AXDND1: variants seen among roughly 807,000 people sequenced by gnomAD.
The protein encoded by AXDND1 is axonemal dynein light chain domain-containing protein 1.
AXDND1 carries 110 observed loss-of-function variants against 137.5 expected under a neutral mutation model. The observed-to-expected ratio is 0.80, with a 90% CI of 0.69 to 0.94. The LOEUF (loss-of-function observed/expected upper bound fraction) is 0.94. AXDND1 is among the 40% of genes least tolerant of loss of function. The pLI, the probability that AXDND1 is intolerant of heterozygous loss-of-function variation, is 0.00. For missense variants in AXDND1, 1,191 were observed against 1,169.8 expected, an observed-to-expected ratio of 1.02 and a Z score of -0.26; for synonymous variants, 414 against 399.7, an observed-to-expected ratio of 1.04 and a Z score of -0.43.
At chr1:179,417,421 C>T (rs565402838) in intron 12 of AXDND1, among the ~76,000 whole-genome samples, 1 of 152,062 alleles carries the variant, frequency 6.6e-6, no homozygotes, top group African/African-American at 2.4e-5. Flanking sequence ...AAATCTTTGC[C>T]CAAACCAATG....
chr1:179,393,494 G>A (rs538707916), intron 9 of AXDND1, among the ~76,000 whole-genome samples: 1 of 151,706 alleles, frequency 6.6e-6, no homozygotes, highest in South Asian at 2.1e-4. Context: ...TTTTTTTCCA[G>A]TTCTGTGAAG....
chr1:179,416,076 C>G (rs1654654170), intron 12 of AXDND1, among the ~76,000 whole-genome samples: 1 of 152,048 alleles, frequency 6.6e-6, no homozygotes, highest in Non-Finnish European at 1.5e-5. Flanking sequence ...ATTAATCAAC[C>G]TCTCTTTATC....
Position 179,387,166 on chromosome 1 carries a change from T to C in AXDND1, c.863+1807T>C, listed in dbSNP as rs1229731063. On this transcript the variant is annotated intron_variant, in intron 9 of 25. Coordinates refer to ENST00000367618, the MANE Select transcript of AXDND1 (RefSeq NM_144696.6). ...GTGTGTTTTCCTGCTTCTTTACATG[T>C]TTAGTAATTGTCTTAGTCTGCCTTG... is the stretch of plus-strand genomic sequence containing the variant. Among the ~76,000 whole-genome samples the C allele has an allele frequency of 2.0e-5, 3 of 152,140 alleles. No individual in the cohort carries two copies. In the East Asian group the frequency reaches 5.8e-4, roughly 29 times the overall value.
intron 4 of AXDND1, among the ~76,000 whole-genome samples, chr1:179,377,819 T>A (rs547050796): frequency 4.4e-4 from 67 of 152,260 alleles, no homozygotes; most frequent in African/African-American, 1.5e-3. Flanking sequence ...TTAGGAAGTT[T>A]GATGTTTAAC....
intron 25 of AXDND1, among the ~76,000 whole-genome samples, chr1:179,537,621 C>T (rs575627037): frequency 6.6e-6 from 1 of 152,264 alleles, no homozygotes; most frequent in East Asian, 1.9e-4. Context: ...ATTTTCTCAT[C>T]AATGTTCATC....
intron 15 of AXDND1, among the ~76,000 whole-genome samples, chr1:179,441,140 T>C (rs971615665): frequency 6.6e-6 from 1 of 152,166 alleles, no homozygotes; most frequent in Admixed American, 6.5e-5. Flanking sequence ...CAGGCCCTTG[T>C]CTCGTTACCC....
chr1:179,444,053 ATT>A (rs68061206), intron 15 of AXDND1, among the ~76,000 whole-genome samples: 41 of 146,048 alleles, frequency 2.8e-4, no homozygotes, highest in African/African-American at 2.7e-4. Flanking sequence ...AGTTTAGTGA[ATT>A]TTTTTTTTTT....
chr1:179,460,106 A>G (rs1289243532), intron 16 of AXDND1, among the ~76,000 whole-genome samples: 2 of 149,754 alleles, frequency 1.3e-5, no homozygotes, highest in Admixed American at 6.7e-5. Context: ...GGTTTGTTAC[A>G]TGTGTATACA....
At chr1:179,438,350 C>G (rs951955170) in intron 15 of AXDND1, among the ~76,000 whole-genome samples, 13 of 152,062 alleles carry the variant, frequency 8.5e-5, no homozygotes, top group African/African-American at 2.9e-4. Flanking sequence ...TACTTGTTCC[C>G]CTAACCATAG....
At chr1:179,539,598 C>A (rs562934516) in intron 25 of AXDND1, among the ~76,000 whole-genome samples, 17 of 152,272 alleles carry the variant, frequency 1.1e-4, no homozygotes, top group Non-Finnish European at 2.1e-4. Context: ...GGTAACCCAA[C>A]CTTTCTCTCT....
intron 11 of AXDND1, among the ~76,000 whole-genome samples, chr1:179,410,654 A>G (rs937013082): frequency 6.6e-6 from 1 of 152,224 alleles, no homozygotes; most frequent in African/African-American, 2.4e-5. Flanking sequence ...GGGTTAAGGG[A>G]CAATTTTCTT....
chr1:179,467,957 A>G (rs377275494), intron 16 of AXDND1, among the ~76,000 whole-genome samples: 14 of 152,306 alleles, frequency 9.2e-5, no homozygotes, highest in African/African-American at 3.4e-4. Flanking sequence ...TCCACACTCA[A>G]GTTTTGTTCA....
intron 16 of AXDND1, among the ~76,000 whole-genome samples, chr1:179,466,921 G>A (rs1480628850): frequency 6.6e-6 from 1 of 152,064 alleles, no homozygotes; most frequent in Non-Finnish European, 1.5e-5. Context: ...GGCTTTCTGA[G>A]GGCTGTTCTA....
intron 5 of AXDND1, 48 bp downstream of exon 5, chr1:179,378,805 T>A: frequency 1.5e-6 from 2 of 1,367,986 alleles, no homozygotes; most frequent in Middle Eastern, 1.9e-4. Flanking sequence ...TGTCTACTTT[T>A]AAAAATCATT....
intron 21 of AXDND1, among the ~76,000 whole-genome samples, chr1:179,520,902 T>TTA (rs931558625): frequency 1.1e-4 from 17 of 148,134 alleles, no homozygotes; most frequent in Non-Finnish European, 1.2e-4. Context: ...TTTATATATA[T>TTA]TATATATATA....
chr1:179,485,742 C>T (rs1205583032), intron 18 of AXDND1, among the ~76,000 whole-genome samples: 2 of 102,790 alleles, frequency 1.9e-5, no homozygotes, highest in East Asian at 4.8e-4. Flanking sequence ...AGATCATCAA[C>T]GTACAAGAAA....
chr1:179,512,439 A>G (rs1216012421), intron 21 of AXDND1, among the ~76,000 whole-genome samples: 1 of 152,182 alleles, frequency 6.6e-6, no homozygotes, highest in Non-Finnish European at 1.5e-5. Context: ...TTTTTATACC[A>G]GTACCATGCT....
In AXDND1 at chr1:179,554,701, C is replaced by A. The variant is rs933209267; in HGVS notation, c.*182C>A. 2 of 820,206 alleles carry A rather than the reference C, an allele frequency of 2.4e-6. No homozygotes were observed. Among genetic ancestry groups the A allele is most frequent in the South Asian group, 1.6e-5 (1 of 64,112 alleles). 50.8% of individuals were successfully genotyped at this position (820,206 alleles called of 1,614,324 possible). ...GCCTTGCAAAGAGTTGTTTAACTTG[C>A]ATGGTGCCACCCAATAAATATCTGT... On this transcript the variant is annotated 3_prime_UTR_variant, in exon 26 of 26. Transcript: ENST00000367618.
At chr1:179,416,560 G>T (rs1654741368) in intron 12 of AXDND1, among the ~76,000 whole-genome samples, 1 of 152,152 alleles carries the variant, frequency 6.6e-6, no homozygotes, top group African/African-American at 2.4e-5. Flanking sequence ...AGACAAAAGT[G>T]ACTCCATGTT....
Sources: gnomAD v4.1 joint callset for allele counts (sites outside exome capture counted in the v4.1 genomes callset) on GRCh38, gnomAD v4.1.1 for gene constraint, MANE v1.5 for transcripts, NCBI Gene and HGNC (gene_info 2026-07-23, HGNC 2026-07-21) for gene names.